Variants in ADAMTSL1 observed in about 807,000 individuals in gnomAD.
The protein encoded by ADAMTSL1 is ADAMTS-like protein 1.
Under a neutral mutation model 201.8 loss-of-function variants are expected in ADAMTSL1, and 126 were observed. The ratio of observed to expected loss-of-function variants is 0.62; its 90% CI spans 0.54 to 0.72. ADAMTSL1 has a LOEUF of 0.72. ADAMTSL1 is among the 30% of genes least tolerant of loss of function. The pLI is 0.00. For missense variants in ADAMTSL1, 2,679 were observed against 2,277.8 expected (o/e 1.18, Z -3.59); for synonymous variants, 1,121 against 903.4 (o/e 1.24, Z -4.32).
chr9:18,753,337 T>G lies in ADAMTSL1; in HGVS notation c.2046T>G (p.Cys682Trp). The G allele has an allele frequency of 6.2e-7, 1 of 1,612,458 alleles. No individual in the cohort carries two copies. The highest frequency in any genetic ancestry group is 1.1e-5 in the South Asian group (1 of 90,568). Reference protein sequence around the residue: ...IGKWSPCSLTCGVGLQTRDVF... With the variant: ...IGKWSPCSLTWGVGLQTRDVF... ...AGTGGAGTCCATGTAGTCTCACATG[T>G]GGGGTCGGCCTACAGACCAGAGACG... The change falls in exon 16 of 29, where the codon TGT becomes TGG. Residue 682 changes from cysteine to tryptophan, a missense_variant. By Grantham distance (215) the Cys-to-Trp change is radical (BLOSUM62 -2). Coordinates refer to ENST00000380548, the MANE Select transcript of ADAMTSL1 (RefSeq NM_001040272.6).
At chr9:18,142,127 A>G (rs1206962184) in intron 1 of ADAMTSL1, among the ~76,000 whole-genome samples, 1 of 152,218 alleles carries the variant, frequency 6.6e-6, no homozygotes, top group Non-Finnish European at 1.5e-5. Context: ...CAAGAGCTCT[A>G]GCAGTCCCCT....
chr9:18,776,702 C>T (rs373036303), intron 18 of ADAMTSL1, 79 bp from the exon 19 acceptor site: 3 of 1,417,350 alleles, frequency 2.1e-6, no homozygotes, highest in Admixed American at 2.6e-5. Flanking sequence ...CTTTGCCCCT[C>T]TCTCCTGGCT....
chr9:18,323,621 A>G (rs942264725), intron 2 of ADAMTSL1, among the ~76,000 whole-genome samples: 1 of 152,190 alleles, frequency 6.6e-6, no homozygotes, highest in Non-Finnish European at 1.5e-5. Flanking sequence ...ATCATCCACA[A>G]AAACATTTAC....
At chr9:18,239,815 G>C (rs1233095622) in intron 2 of ADAMTSL1, among the ~76,000 whole-genome samples, 4 of 151,484 alleles carry the variant, frequency 2.6e-5, no homozygotes, top group Non-Finnish European at 2.9e-5. Context: ...AGGAAAGAAG[G>C]AGAAACCACT....
chr9:18,314,986 C>G (rs1040852802), intron 2 of ADAMTSL1, among the ~76,000 whole-genome samples: 3 of 150,522 alleles, frequency 2.0e-5, no homozygotes, highest in Non-Finnish European at 4.4e-5. Flanking sequence ...TTAGTAGAGA[C>G]GGGGTTTCAC....
At chr9:18,043,137 G>A (rs1375888914) in intron 1 of ADAMTSL1, among the ~76,000 whole-genome samples, 2 of 152,084 alleles carry the variant, frequency 1.3e-5, no homozygotes, top group Non-Finnish European at 2.9e-5. Flanking sequence ...ACAATTACCT[G>A]GGATATTTAC....
At chr9:18,153,687 T>A (rs1827021601) in intron 1 of ADAMTSL1, among the ~76,000 whole-genome samples, 1 of 152,014 alleles carries the variant, frequency 6.6e-6, no homozygotes, top group African/African-American at 2.4e-5. Context: ...AAATGCAGAA[T>A]GAGGAATAAA....
chr9:18,665,094 A>G (rs981578875), intron 9 of ADAMTSL1, among the ~76,000 whole-genome samples: 1 of 152,068 alleles, frequency 6.6e-6, no homozygotes, highest in East Asian at 1.9e-4. Context: ...AGTTGAAAAA[A>G]TAACTATCCT....
intron 2 of ADAMTSL1, among the ~76,000 whole-genome samples, chr9:18,233,718 G>A (rs945311019): frequency 2.6e-5 from 4 of 152,192 alleles, no homozygotes; most frequent in Non-Finnish European, 1.5e-5. Flanking sequence ...TAAAGGCTGA[G>A]AAGAAGCCAG....
rs529638206 is a variant in ADAMTSL1 at position 18,353,469 on chromosome 9, A to G, written c.208-151360A>G. Reference sequence around the variant, plus strand: ...ACATCCATAATATTTATGGAGGCTAAAAGGATTTTTTGGCATAATCCATGA... The same window carrying G: ...ACATCCATAATATTTATGGAGGCTAGAAGGATTTTTTGGCATAATCCATGA... On this transcript the variant is annotated intron_variant, in intron 2 of 29. Coordinates refer to the ADAMTSL1 transcript ENST00000680146. 2.0e-5 allele frequency among the ~76,000 whole-genome samples: 3 copies of G among 152,310 alleles called. No individual in the cohort carries two copies. In the South Asian group the frequency reaches 6.2e-4, roughly 32 times the overall value.
At chr9:18,773,248 C>T (rs963887908) in intron 17 of ADAMTSL1, among the ~76,000 whole-genome samples, 29 of 152,130 alleles carry the variant, frequency 1.9e-4, no homozygotes, top group African/African-American at 7.0e-4. Flanking sequence ...TTAGACATTT[C>T]AAATAAAATT....
intron 22 of ADAMTSL1, among the ~76,000 whole-genome samples, chr9:18,828,017 G>A (rs957320904): frequency 1.3e-5 from 2 of 152,198 alleles, no homozygotes; most frequent in African/African-American, 2.4e-5. Flanking sequence ...GGATGAAACT[G>A]AGATTTCACC....
chr9:18,711,414 C>T (rs58179906), intron 14 of ADAMTSL1, among the ~76,000 whole-genome samples: 5,416 of 149,340 alleles, frequency 0.036, 167 homozygotes, highest in African/African-American at 0.084. Flanking sequence ...CGAAGCAGGG[C>T]GAGGCATTGC....
chr9:18,815,878 A>C (rs897034560), intron 20 of ADAMTSL1, among the ~76,000 whole-genome samples: 5 of 152,176 alleles, frequency 3.3e-5, no homozygotes, highest in Non-Finnish European at 7.3e-5. Flanking sequence ...ATTGACACAT[A>C]ATAATTGTAC....
intron 5 of ADAMTSL1, among the ~76,000 whole-genome samples, chr9:18,633,309 C>T (rs1170937098): frequency 6.6e-6 from 1 of 151,728 alleles, no homozygotes; most frequent in African/African-American, 2.4e-5. Flanking sequence ...GGCCCAGTCT[C>T]GGCCGGGTGT....
rs1049700085 is a variant in ADAMTSL1, at chr9:18,708,534, T to A, written c.1876+1486T>A. On this transcript the variant is annotated intron_variant, in intron 14 of 28. Coordinates refer to ENST00000380548, the MANE Select transcript of ADAMTSL1 (RefSeq NM_001040272.6). Reference sequence around the variant, plus strand: ...TCTTTCACGCTTAATGAGAGAGAAGTGTTAAATAAGCTTTGGTGATCTCTG... The same window carrying A: ...TCTTTCACGCTTAATGAGAGAGAAGAGTTAAATAAGCTTTGGTGATCTCTG... Among the ~76,000 whole-genome samples, 5 of 152,168 alleles carry A rather than the reference T, an allele frequency of 3.3e-5. No individual in the cohort carries two copies. The East Asian group carries it at 9.6e-4, about 29-fold the overall frequency.
At chr9:18,725,198 G>A (rs189841266) in intron 15 of ADAMTSL1, among the ~76,000 whole-genome samples, 2,814 of 152,254 alleles carry the variant, frequency 0.018, 35 homozygotes, top group Non-Finnish European at 0.031. Flanking sequence ...GAGCCAACGT[G>A]CCCGGCCAGG....
intron 3 of ADAMTSL1, among the ~76,000 whole-genome samples, chr9:18,541,947 T>G (rs1318597550): frequency 6.6e-6 from 1 of 152,214 alleles, no homozygotes; most frequent in African/African-American, 2.4e-5. Flanking sequence ...AAGCAAATTG[T>G]GGAGTAATAA....
intron 19 of ADAMTSL1, among the ~76,000 whole-genome samples, chr9:18,780,027 G>T (rs1821293775): frequency 6.6e-6 from 1 of 152,176 alleles, no homozygotes; most frequent in Non-Finnish European, 1.5e-5. Context: ...AATGGGAAGG[G>T]GTCATCAGGA....
Sources: allele counts gnomAD v4.1 joint callset (sites outside exome capture counted in the v4.1 genomes callset), GRCh38; gene constraint gnomAD v4.1.1; transcripts MANE v1.5; gene names NCBI Gene and HGNC (gene_info 2026-07-23, HGNC 2026-07-21).